The following FAP variants were observed in gnomAD, a reference collection of about 807,000 sequenced individuals.
FAP encodes prolyl endopeptidase FAP.
In FAP, 110 loss-of-function variants were observed where a neutral mutation model predicts 126.5. That is an observed-to-expected ratio of 0.87 (90% CI 0.74 to 1.02). The LOEUF (loss-of-function observed/expected upper bound fraction) is 1.02, where lower values mean the gene tolerates loss of function less well. Ranked by LOEUF, FAP falls within the 50% of genes least tolerant of loss-of-function variation. The probability of loss-of-function intolerance (pLI) is 0.00; values close to 1 mark genes in which losing one functional copy is unlikely to be tolerated. For missense variants in FAP, 919 were observed against 909.2 expected, an observed-to-expected ratio of 1.01 and a Z score of -0.14; for synonymous variants, 334 against 297.3, an observed-to-expected ratio of 1.12 and a Z score of -1.27.
chr2:162,196,568 GTA>G (rs1363817647), intron 16 of FAP, among the ~76,000 whole-genome samples: 4 of 141,252 alleles, frequency 2.8e-5, no homozygotes, highest in Non-Finnish European at 6.1e-5. Context: ...ATGACTGACT[GTA>G]TTTGACACTG....
intron 17 of FAP, 98 bp downstream of exon 17, chr2:162,194,603 T>C (rs1688174488): frequency 7.8e-6 from 8 of 1,028,016 alleles, no homozygotes; most frequent in Non-Finnish European, 1.2e-5. Context: ...GCAGTTCCCC[T>C]TGGTGGTGTG....
intron 4 of FAP, 109 bp downstream of exon 4, chr2:162,225,374 G>C: frequency 1.4e-6 from 2 of 1,412,730 alleles, no homozygotes; most frequent in Non-Finnish European, 1.9e-6. Flanking sequence ...GTATGGAGCT[G>C]GGAAGGCAAG....
chr2:162,228,432 T>A (rs991648888), intron 2 of FAP, among the ~76,000 whole-genome samples: 1 of 152,190 alleles, frequency 6.6e-6, no homozygotes. Context: ...TAAAGTGGAA[T>A]AATAACATCT....
chr2:162,198,709 C>T (rs1339434276), intron 16 of FAP, 48 bp downstream of exon 16: 1 of 1,607,334 alleles, frequency 6.2e-7, no homozygotes, highest in South Asian at 1.1e-5. Context: ...AGGAGGATGA[C>T]AACCATGCCT....
chr2:162,235,700 C>A (rs533598544), intron 2 of FAP, among the ~76,000 whole-genome samples: 1 of 152,162 alleles, frequency 6.6e-6, no homozygotes. Context: ...GAGAATAAAG[C>A]AGGCTGCCTG....
chr2:162,179,036 T>A (rs368027544), intron 21 of FAP, among the ~76,000 whole-genome samples: 20 of 152,124 alleles, frequency 1.3e-4, no homozygotes, highest in African/African-American at 4.6e-4. Context: ...CCTTGGCCCA[T>A]CCTCTCCCCA....
At chr2:162,221,771 G>T in intron 6 of FAP, 1 of 455,998 alleles carries the variant, frequency 2.2e-6, no homozygotes, top group Non-Finnish European at 4.4e-6. Flanking sequence ...TTACAAAGGC[G>T]TTCATCTCCT....
intron 1 of FAP, 118 bp from the exon 2 acceptor site, chr2:162,243,110 T>C: frequency 1.1e-6 from 1 of 883,820 alleles, no homozygotes; most frequent in Admixed American, 2.2e-5. Flanking sequence ...TTGATTGTTT[T>C]CCACTGATCC....
At chr2:162,179,250 T>G (rs1384317235) in intron 21 of FAP, among the ~76,000 whole-genome samples, 4 of 151,484 alleles carry the variant, frequency 2.6e-5, no homozygotes, top group African/African-American at 9.7e-5. Context: ...GACAGGTTTT[T>G]TTTTTTTTTT....
At chr2:162,228,090 G>A (rs1432818084) in intron 2 of FAP, among the ~76,000 whole-genome samples, 1 of 152,090 alleles carries the variant, frequency 6.6e-6, no homozygotes, top group Non-Finnish European at 1.5e-5. Flanking sequence ...TTTTCTCATA[G>A]CACATCCCAA....
chr2:162,179,910 G>A (rs951892324), intron 21 of FAP, among the ~76,000 whole-genome samples: 6 of 151,256 alleles, frequency 4.0e-5, no homozygotes, highest in African/African-American at 1.2e-4. Flanking sequence ...CCGGGTTCAA[G>A]CAATTCTCCT....
Position 162,218,078 on chromosome 2 carries a change from C to T in FAP, c.670G>A (p.Ala224Thr). 2 of 1,608,500 alleles carry T rather than the reference C, an allele frequency of 1.2e-6. No individual in the cohort carries two copies. Among genetic ancestry groups the T allele is most frequent in the African/African-American group, 1.3e-5 (1 of 74,778 alleles). The change falls in exon 9 of 26, where the codon GCG becomes ACG. Residue 224 changes from alanine to threonine, a missense_variant. Coordinates refer to ENST00000188790, the MANE Select transcript of FAP (RefSeq NM_004460.5). ...WSPNGKFLAY[A>T]EFNDTDIPVI... ...GGTATATCCGTATCATTAAATTCCG[C>T]ATATGCCAAAAATTTTCCATTAGGA...
At chr2:162,216,033 A>C in intron 9 of FAP, 32 bp from the exon 10 acceptor site, 1 of 1,488,184 alleles carries the variant, frequency 6.7e-7, no homozygotes, top group South Asian at 1.2e-5. Context: ...ATAAGCTCAT[A>C]AAATTCCAAT....
At chr2:162,186,820 C>T (rs183757366) in intron 20 of FAP, among the ~76,000 whole-genome samples, 6 of 151,976 alleles carry the variant, frequency 3.9e-5, no homozygotes, top group East Asian at 3.9e-4. Context: ...CTGAGGATGG[C>T]GTTAATATTC....
rs1256652780 is a variant in FAP at position 162,243,377 on chromosome 2, T to G, written c.-50A>C. 1.3e-6 allele frequency: 2 copies of G among 1,598,708 alleles called. No homozygotes were observed. The highest frequency in any genetic ancestry group is 1.7e-6 in the Non-Finnish European group (2 of 1,174,426). Reference sequence around the variant, plus strand: ...GCTAATTCTGTCTTCAGAGCGTGGGTCACTGGATCTGTGAAAACCGTTGAA... The same window carrying G: ...GCTAATTCTGTCTTCAGAGCGTGGGGCACTGGATCTGTGAAAACCGTTGAA... On this transcript the variant is annotated 5_prime_UTR_variant, in exon 1 of 26. Coordinates refer to ENST00000188790, the MANE Select transcript of FAP (RefSeq NM_004460.5).
At chr2:162,187,979 C>T (rs112249657) in intron 20 of FAP, among the ~76,000 whole-genome samples, 190 bp downstream of exon 20, 48 of 152,168 alleles carry the variant, frequency 3.2e-4, no homozygotes, top group African/African-American at 9.6e-4. Context: ...TCTACACATT[C>T]GTTAGCTCTC....
Position 162,223,594 on chromosome 2 carries a change from CA to C in FAP, c.413+13del. 6.6e-7 allele frequency: 1 copy of C among 1,509,300 alleles called. No homozygotes were observed. The highest frequency in any genetic ancestry group is 9.2e-7 in the Non-Finnish European group (1 of 1,085,270). The allele number at this position is 1,509,300 out of a possible 1,614,324, so 93.5% of individuals were successfully genotyped here. ...ATTAGATTTAAGTAGTATTAATAAA[CA>C]GAGGTGATTTACCCATTGCTAAGGT... On this transcript the variant is annotated intron_variant, in intron 6 of 25. Coordinates refer to ENST00000188790, the MANE Select transcript of FAP (RefSeq NM_004460.5).
intron 16 of FAP, among the ~76,000 whole-genome samples, chr2:162,196,049 G>A (rs867939649): frequency 4.6e-5 from 7 of 152,138 alleles, no homozygotes; most frequent in South Asian, 2.1e-4. Flanking sequence ...CTTTTGATCC[G>A]TTCCTCAGTG....
intron 20 of FAP, among the ~76,000 whole-genome samples, chr2:162,187,746 T>C (rs1687908074): frequency 6.6e-6 from 1 of 152,080 alleles, no homozygotes; most frequent in African/African-American, 2.4e-5. Context: ...AGGCCTAACA[T>C]CTAAAAGTAT....
Sources: gnomAD v4.1 joint callset for allele counts (sites outside exome capture counted in the v4.1 genomes callset) on GRCh38, gnomAD v4.1.1 for gene constraint, MANE v1.5 for transcripts, NCBI Gene and HGNC (gene_info 2026-07-23, HGNC 2026-07-21) for gene names.